The following ZNF618 variants were observed in gnomAD, a reference collection of about 807,000 sequenced individuals.
The protein encoded by ZNF618 is neural precursor cell expressed, developmentally down-regulated 10.
In ZNF618, 34 loss-of-function variants were observed where a neutral mutation model predicts 103.0. The ratio of observed to expected loss-of-function variants is 0.33; its 90% CI spans 0.25 to 0.44. The LOEUF is 0.44. ZNF618 is among the 20% of genes least tolerant of loss of function. The probability of loss-of-function intolerance (pLI) is 1.00; values close to 1 mark genes in which losing one functional copy is unlikely to be tolerated. For synonymous variants in ZNF618, 551 were observed against 542.2 expected (o/e 1.02, Z -0.23); for missense variants, 1,059 against 1,295.4 (o/e 0.82, Z 2.80).
chr9:114,036,478 T>G, intron 13 of ZNF618, 101 bp downstream of exon 13: 2 of 1,260,958 alleles, frequency 1.6e-6, no homozygotes, highest in Non-Finnish European at 2.2e-6. Context: ...AGGCCGCTCT[T>G]TCCTGGAAAA....
At chr9:113,967,467 TC>T (rs1380276342) in intron 1 of ZNF618, among the ~76,000 whole-genome samples, 1 of 152,174 alleles carries the variant, frequency 6.6e-6, no homozygotes, top group Non-Finnish European at 1.5e-5. Context: ...CCTTGCCCTT[TC>T]CCTTGTGTGG....
At chr9:114,035,076 T>C (rs2134315048) in intron 12 of ZNF618, 2 of 714,740 alleles carry the variant, frequency 2.8e-6, no homozygotes, top group South Asian at 1.3e-4. Flanking sequence ...TCTCGGATGC[T>C]CCCCACTCCT....
At chr9:113,921,971 A>G (rs1181104496) in intron 1 of ZNF618, among the ~76,000 whole-genome samples, 2 of 152,180 alleles carry the variant, frequency 1.3e-5, no homozygotes, top group Non-Finnish European at 2.9e-5. Flanking sequence ...ATGAGCAAAA[A>G]GGAATAAAAA....
Position 114,048,657 on chromosome 9 carries a change from C to G in ZNF618, c.1355C>G (p.Thr452Ser). The change falls in exon 15 of 15, where the codon ACC becomes AGC. Residue 452 changes from threonine to serine, a missense_variant. Transcript: ENST00000374126. ...TCTTTGTGTCCTCTGCCAGCCACTACCAGTGGTTTAACACCCAACAGCATG... is the reference window on the plus strand; with the variant it reads ...TCTTTGTGTCCTCTGCCAGCCACTAGCAGTGGTTTAACACCCAACAGCATG... Reference protein sequence around the residue: ...AQRNSANNTTTSGLTPNSMIP... With the variant: ...AQRNSANNTTSSGLTPNSMIP... 6.2e-7 allele frequency: 1 copy of G among 1,608,978 alleles called. No individual in the cohort carries two copies. Among genetic ancestry groups the G allele is most frequent in the Non-Finnish European group, 8.5e-7 (1 of 1,176,312 alleles).
intron 6 of ZNF618, among the ~76,000 whole-genome samples, 196 bp from the exon 7 acceptor site, chr9:114,007,154 C>CCTCCCGGCTGTG (rs1250048307): frequency 6.6e-6 from 1 of 152,184 alleles, no homozygotes; most frequent in Non-Finnish European, 1.5e-5. Context: ...CATCACCGGC[C>CCTCCCGGCTGTG]CTCCCGGCTG....
intron 2 of ZNF618, among the ~76,000 whole-genome samples, chr9:113,982,254 C>T (rs964281777): frequency 2.6e-5 from 4 of 152,224 alleles, no homozygotes; most frequent in Non-Finnish European, 5.9e-5. Flanking sequence ...AGTTTATACA[C>T]TCCTTGGGGT....
intron 6 of ZNF618, 23 bp from the exon 7 acceptor site, chr9:114,007,327 G>T (rs1841839936): frequency 1.2e-6 from 2 of 1,609,756 alleles, no homozygotes; most frequent in African/African-American, 2.7e-5. Context: ...TGGTAACCAG[G>T]TGTGTGTTTT....
At chr9:114,011,450 G>C (rs532267638) in intron 9 of ZNF618, among the ~76,000 whole-genome samples, 1 of 152,328 alleles carries the variant, frequency 6.6e-6, no homozygotes, top group Non-Finnish European at 1.5e-5. Flanking sequence ...GAGAATATCA[G>C]ACTGGGTCTG....
In ZNF618 at chr9:113,949,043, A is replaced by C. The variant is rs563076697; in HGVS notation, c.34-20074A>C. On this transcript the variant is annotated intron_variant, in intron 1 of 14. Transcript: ENST00000374126. ...CTCAGCCTGTAAGTTTCAGAGATGA[A>C]GCTTGAATGCATGTCTTCCCGGTCA... Among the ~76,000 whole-genome samples the C allele has an allele frequency of 2.6e-5, 4 of 152,316 alleles. No homozygotes were observed. In the South Asian group the frequency reaches 8.3e-4, roughly 32 times the overall value.
intron 1 of ZNF618, among the ~76,000 whole-genome samples, chr9:113,886,910 A>G (rs750461650): frequency 5.3e-5 from 8 of 151,588 alleles, no homozygotes; most frequent in Admixed American, 2.0e-4. Flanking sequence ...GATATTTTAC[A>G]TATTAGATTA....
At chr9:114,023,305 A>G (rs914755022) in intron 10 of ZNF618, among the ~76,000 whole-genome samples, 17 of 151,940 alleles carry the variant, frequency 1.1e-4, no homozygotes, top group African/African-American at 4.1e-4. Flanking sequence ...TTTCTCTATG[A>G]TTTATAATAT....
At chr9:113,976,207 T>A (rs1838454602) in intron 2 of ZNF618, among the ~76,000 whole-genome samples, 1 of 152,186 alleles carries the variant, frequency 6.6e-6, no homozygotes, top group Non-Finnish European at 1.5e-5. Flanking sequence ...CTTTGGGTGG[T>A]CCAGCAAAGG....
At chr9:113,964,718 A>G (rs1837198164) in intron 1 of ZNF618, among the ~76,000 whole-genome samples, 1 of 151,920 alleles carries the variant, frequency 6.6e-6, no homozygotes, top group African/African-American at 2.4e-5. Flanking sequence ...AAAGGAAAAA[A>G]AGAAAAGAGC....
At chr9:113,911,774 TG>T (rs1208885527) in intron 1 of ZNF618, among the ~76,000 whole-genome samples, 1 of 152,356 alleles carries the variant, frequency 6.6e-6, no homozygotes, top group African/African-American at 2.4e-5. Context: ...ATGAGGTGGC[TG>T]TACCCTCGAC....
chr9:113,878,502 T>A (rs1004079838), intron 1 of ZNF618, among the ~76,000 whole-genome samples: 2 of 152,090 alleles, frequency 1.3e-5, no homozygotes, highest in East Asian at 1.9e-4. Context: ...GAAAAAAAAA[T>A]TTAAGAAGGC....
intron 1 of ZNF618, among the ~76,000 whole-genome samples, chr9:113,961,569 C>G (rs1836844931): frequency 6.6e-6 from 1 of 152,250 alleles, no homozygotes; most frequent in Admixed American, 6.5e-5. Context: ...TGCCACTCCT[C>G]AAGCGTGGAA....
At chr9:113,906,480 G>A (rs991265871) in intron 1 of ZNF618, among the ~76,000 whole-genome samples, 2 of 152,130 alleles carry the variant, frequency 1.3e-5, no homozygotes, top group African/African-American at 4.8e-5. Flanking sequence ...TTAGCAAGTG[G>A]GGGTGGCTGG....
At chr9:113,988,743 C>T (rs1839734485) in intron 3 of ZNF618, among the ~76,000 whole-genome samples, 163 bp downstream of exon 3, 1 of 152,234 alleles carries the variant, frequency 6.6e-6, no homozygotes, top group Non-Finnish European at 1.5e-5. Flanking sequence ...TTAGACTTGC[C>T]TTTGCTTGTG....
intron 1 of ZNF618, among the ~76,000 whole-genome samples, chr9:113,927,135 T>G (rs1833173699): frequency 6.6e-6 from 1 of 152,236 alleles, no homozygotes; most frequent in South Asian, 2.1e-4. Flanking sequence ...AATTTTTTGT[T>G]GAAAGCTGGA....
Sources: allele counts gnomAD v4.1 joint callset (sites outside exome capture counted in the v4.1 genomes callset), GRCh38; gene constraint gnomAD v4.1.1; transcripts MANE v1.5; gene names NCBI Gene and HGNC (gene_info 2026-07-23, HGNC 2026-07-21).